Variants in COL5A2 observed in about 807,000 individuals in gnomAD.
COL5A2 encodes collagen type V alpha 2 chain.
A neutral mutation model predicts 208.2 loss-of-function variants in COL5A2; 23 were observed. The ratio of observed to expected loss-of-function variants is 0.11; its 90% CI spans 0.08 to 0.16. The LOEUF is 0.16. COL5A2 is among the 10% of genes least tolerant of loss of function. The pLI is 1.00. For missense variants in COL5A2, 1,590 were observed against 1,956.4 expected (o/e 0.81, Z 3.53); for synonymous variants, 625 against 628.5 (o/e 0.99, Z 0.08).
At chr2:189,410,558 C>A in the COL5A2 span, among the ~76,000 whole-genome samples, 1 of 151,936 alleles carries the variant, frequency 6.6e-6, no homozygotes, top group Admixed American at 6.6e-5. Context: ...AGAGTGACAC[C>A]CTGTCTCTTA....
the COL5A2 span, among the ~76,000 whole-genome samples, chr2:189,325,315 TAAAA>T: frequency 2.2e-5 from 3 of 138,956 alleles, no homozygotes; most frequent in African/African-American, 5.1e-5. Flanking sequence ...TAAAGTATAA[TAAAA>T]AAAAATATAT....
chr2:189,400,926 TATCATTCTAGGAAAACTAAAA>T, the COL5A2 span, among the ~76,000 whole-genome samples: 3 of 152,246 alleles, frequency 2.0e-5, no homozygotes, highest in Non-Finnish European at 4.4e-5. Flanking sequence ...GAGGATGAAG[TATCATTCTAGGAAAACTAAAA>T]TGATTGCAGA....
intron 35 of COL5A2, among the ~76,000 whole-genome samples, chr2:189,055,231 C>T (rs1464416976): frequency 6.6e-6 from 1 of 152,140 alleles, no homozygotes; most frequent in African/African-American, 2.4e-5. Flanking sequence ...CTAAAGTTTA[C>T]AGCCTAAAAC....
chr2:189,338,304 A>C, the COL5A2 span, among the ~76,000 whole-genome samples: 1 of 152,092 alleles, frequency 6.6e-6, no homozygotes, highest in South Asian at 2.1e-4. Flanking sequence ...TTCTACTTTG[A>C]CCAACACTGC....
intron 1 of COL5A2, among the ~76,000 whole-genome samples, chr2:189,191,191 A>C (rs1170170556): frequency 2.7e-5 from 4 of 150,594 alleles, no homozygotes; most frequent in Non-Finnish European, 4.4e-5. Flanking sequence ...AACAAAAAAA[A>C]CCACTCAGGT....
chr2:189,098,710 T>C lies in COL5A2; in HGVS notation c.402+17A>G, dbSNP rs761386499. ...AGGAATACAAGAGTACCAAGAATAT[T>C]GGGAGAAACTACTTACTGCCGGTCC... On this transcript the variant is annotated intron_variant, in intron 5 of 53. Coordinates refer to ENST00000374866, the MANE Select transcript of COL5A2 (RefSeq NM_000393.5). The C allele has an allele frequency of 1.3e-6, 2 of 1,599,670 alleles. No homozygotes were observed. The highest frequency in any genetic ancestry group is 1.7e-5 in the Admixed American group (1 of 60,000).
chr2:189,150,858 C>T (rs1257358823), intron 1 of COL5A2, among the ~76,000 whole-genome samples: 3 of 152,106 alleles, frequency 2.0e-5, no homozygotes, highest in Non-Finnish European at 2.9e-5. Context: ...GGCTGTAAAG[C>T]TCCTGCTTGG....
intron 14 of COL5A2, among the ~76,000 whole-genome samples, 166 bp downstream of exon 14, chr2:189,079,812 G>T (rs1485388922): frequency 6.6e-6 from 1 of 152,114 alleles, no homozygotes; most frequent in Admixed American, 6.6e-5. Flanking sequence ...GTCATGTCAT[G>T]GTAAAGCCAT....
At position 189,036,600 on chromosome 2, in the gene COL5A2, A is replaced by G. The variant is rs1315551233; in HGVS notation, c.4113+16T>C. 1.3e-6 allele frequency: 2 copies of G among 1,588,686 alleles called. No homozygotes were observed. Among genetic ancestry groups the G allele is most frequent in the African/African-American group, 2.7e-5 (2 of 74,350 alleles). Reference sequence around the variant, plus strand: ...AAAAGTAAAGAATACAATTTTAAGTAAACATATTAAATTACCTGAGACCCT... The same window carrying G: ...AAAAGTAAAGAATACAATTTTAAGTGAACATATTAAATTACCTGAGACCCT... On this transcript the variant is annotated intron_variant, in intron 52 of 53. Coordinates refer to ENST00000374866, the MANE Select transcript of COL5A2 (RefSeq NM_000393.5).
intron 34 of COL5A2, 30 bp downstream of exon 34, chr2:189,057,290 G>GAAAAAATAAAAAAAAA: frequency 1.4e-6 from 1 of 709,922 alleles, no homozygotes; most frequent in Non-Finnish European, 2.1e-6. Flanking sequence ...TAAATGAACT[G>GAAAAAATAAAAAAAAA]AAAAAAAAAA....
chr2:189,159,793 A>G (rs1688322464), intron 1 of COL5A2, among the ~76,000 whole-genome samples: 1 of 152,150 alleles, frequency 6.6e-6, no homozygotes, highest in Non-Finnish European at 1.5e-5. Flanking sequence ...AGGCTGAGGT[A>G]CGAGAATCAC....
the COL5A2 span, among the ~76,000 whole-genome samples, chr2:189,268,856 T>C: frequency 6.6e-6 from 1 of 152,140 alleles, no homozygotes; most frequent in Non-Finnish European, 1.5e-5. Flanking sequence ...TTTACATAAA[T>C]CAGATTTGAG....
At chr2:189,398,344 A>T in the COL5A2 span, among the ~76,000 whole-genome samples, 1 of 152,138 alleles carries the variant, frequency 6.6e-6, no homozygotes, top group Non-Finnish European at 1.5e-5. Flanking sequence ...CTCTCTGCTC[A>T]ATCTGTTACT....
At chr2:189,219,353 T>C (rs1689319084) in intron 1 of COL5A2, among the ~76,000 whole-genome samples, 1 of 152,184 alleles carries the variant, frequency 6.6e-6, no homozygotes. Flanking sequence ...TATATTTGTA[T>C]TTGTCAGGTT....
chr2:189,064,667 C>T lies in COL5A2; in HGVS notation c.1618-12G>A. 1 of 1,553,370 alleles carries T rather than the reference C, an allele frequency of 6.4e-7. No individual in the cohort carries two copies. Among genetic ancestry groups the T allele is most frequent in the Non-Finnish European group, 8.9e-7 (1 of 1,124,828 alleles). ...TCTCCTTGAGCACCCTGTACCGAGG[C>T]AAAGCAGATGCATGAAGAAAAAGAG... On this transcript the variant is annotated splice_polypyrimidine_tract_variant and intron_variant, in intron 24 of 53. Transcript: ENST00000374866.
intron 16 of COL5A2, 46 bp from the exon 17 acceptor site, chr2:189,075,483 G>A: frequency 6.8e-7 from 1 of 1,477,810 alleles, no homozygotes; most frequent in Non-Finnish European, 9.4e-7. Context: ...TTACATTTTA[G>A]ACTATATTTT....
At chr2:189,365,540 A>G in the COL5A2 span, among the ~76,000 whole-genome samples, 62 of 152,320 alleles carry the variant, frequency 4.1e-4, no homozygotes, top group African/African-American at 1.4e-3. Context: ...TGTTTAACAC[A>G]TTAGTGCCTT....
At chr2:189,427,921 A>G in the COL5A2 span, among the ~76,000 whole-genome samples, 2 of 152,154 alleles carry the variant, frequency 1.3e-5, no homozygotes, top group Non-Finnish European at 2.9e-5. Context: ...AATTTCTTAC[A>G]TTTGGAATGA....
At chr2:189,247,533 C>G in the COL5A2 span, among the ~76,000 whole-genome samples, 1 of 150,834 alleles carries the variant, frequency 6.6e-6, no homozygotes, top group Admixed American at 6.6e-5. Context: ...CACTGAGGAA[C>G]AGATTACATG....
Sources: allele counts gnomAD v4.1 joint callset (sites outside exome capture counted in the v4.1 genomes callset), GRCh38; gene constraint gnomAD v4.1.1; transcripts MANE v1.5; gene names NCBI Gene and HGNC (gene_info 2026-07-23, HGNC 2026-07-21).